The following MSRB3 variants were observed in gnomAD, a reference collection of about 807,000 sequenced individuals.
MSRB3 encodes methionine-R-sulfoxide reductase B3.
A neutral mutation model predicts 21.0 loss-of-function variants in MSRB3; 13 were observed. The ratio of observed to expected loss-of-function variants is 0.62; its 90% confidence interval spans 0.40 to 0.98. The LOEUF is 0.98. MSRB3 is among the 50% of genes least tolerant of loss of function. The pLI, the probability that MSRB3 is intolerant of heterozygous loss-of-function variation, is 0.00. For synonymous variants in MSRB3, 87 were observed against 88.6 expected (o/e 0.98, Z 0.10); for missense variants, 199 against 230.3 (o/e 0.86, Z 0.88).
At chr12:65,281,795 A>T (rs1434263547) in intron 1 of MSRB3, 3 of 152,252 alleles carry the variant, frequency 2.0e-5, no homozygotes, top group African/African-American at 7.2e-5. Flanking sequence ...TGAGCATTCC[A>T]GATGAAATAG....
chr12:65,350,563 A>G (rs1019751300), intron 4 of MSRB3, among the ~76,000 whole-genome samples: 8 of 151,008 alleles, frequency 5.3e-5, no homozygotes, highest in Non-Finnish European at 1.0e-4. Flanking sequence ...TATTCAGGAA[A>G]CCCATCTCAC....
chr12:65,458,049 C>A (rs11175770), intron 6 of MSRB3, among the ~76,000 whole-genome samples: 1 of 151,870 alleles, frequency 6.6e-6, no homozygotes, highest in Non-Finnish European at 1.5e-5. Context: ...CATTTTCAGT[C>A]GGATGTGTTA....
At chr12:65,356,489 T>C (rs574231773) in intron 4 of MSRB3, among the ~76,000 whole-genome samples, 75 of 151,952 alleles carry the variant, frequency 4.9e-4, no homozygotes, top group Admixed American at 8.6e-4. Flanking sequence ...CCATAGGTTA[T>C]TGAGGAACTG....
intron 4 of MSRB3, among the ~76,000 whole-genome samples, chr12:65,358,080 G>A (rs1199678020): frequency 6.6e-6 from 1 of 151,828 alleles, no homozygotes; most frequent in African/African-American, 2.4e-5. Context: ...CTACAAGCGA[G>A]AGAAGTCTCT....
At position 65,326,901 on chromosome 12, in the gene MSRB3, A is replaced by G. The variant is rs1875080366; in HGVS notation, c.152A>G (p.Gln51Arg). The stretch of plus-strand genomic sequence containing the variant: ...CTGAGGAAGCGGCTAACACCCCTGC[A>G]GTACCATGTCACTCAGGAGAAAGGG... ...QELRKRLTPL[Q>R]YHVTQEKGTE... Residue 51 changes from glutamine to arginine, a missense_variant, in exon 3 of 7, where the codon CAG becomes CGG. Gln to Arg is a conservative substitution (Grantham distance 43). Coordinates refer to ENST00000308259, the MANE Select transcript of MSRB3 (RefSeq NM_001031679.3). 6.2e-7 allele frequency: 1 copy of G among 1,613,852 alleles called. No homozygotes were observed.
In MSRB3 at chr12:65,298,112, T is replaced by G. The variant is rs147195293; in HGVS notation, c.-51-10417T>G. Among the ~76,000 whole-genome samples the G allele has an allele frequency of 8.2e-3, 1,250 of 152,102 alleles. 18 individuals carry two copies. The highest frequency in any genetic ancestry group is 0.029 in the African/African-American group (1,204 of 41,498). ...TTGATCTCCTGGGTTCAAGCAATCCTCCCGCCTCAGCGTTCCGAGTAGCTG... is the reference window on the plus strand; with the variant it reads ...TTGATCTCCTGGGTTCAAGCAATCCGCCCGCCTCAGCGTTCCGAGTAGCTG... On this transcript the variant is annotated intron_variant, in intron 1 of 6. Transcript: ENST00000308259.
At chr12:65,371,793 C>A (rs955655549) in intron 5 of MSRB3, among the ~76,000 whole-genome samples, 4 of 152,008 alleles carry the variant, frequency 2.6e-5, no homozygotes, top group African/African-American at 9.7e-5. Context: ...GAATGTATAC[C>A]AAATGATTAT....
intron 4 of MSRB3, among the ~76,000 whole-genome samples, chr12:65,339,840 C>T (rs1017357767): frequency 9.9e-5 from 15 of 152,170 alleles, no homozygotes; most frequent in African/African-American, 3.6e-4. Context: ...ATCCAGCCTC[C>T]AGTCAGCTCA....
rs1242411025 is a variant in MSRB3, at chr12:65,416,528, C to A, written c.293-37200C>A. On this transcript the variant is annotated intron_variant, in intron 5 of 6. Coordinates refer to ENST00000308259, the MANE Select transcript of MSRB3 (RefSeq NM_001031679.3). ...CTAGATGGGATAGCCTACTACACAC[C>A]TGGGCTCTGTGGTATAGCCTATTGC... 2.6e-5 allele frequency among the ~76,000 whole-genome samples: 4 copies of A among 152,186 alleles called. No individual in the cohort carries two copies. The South Asian group carries it at 6.2e-4, about 24-fold the overall frequency.
At chr12:65,426,174 A>G (rs559135777) in intron 5 of MSRB3, among the ~76,000 whole-genome samples, 13 of 152,062 alleles carry the variant, frequency 8.5e-5, no homozygotes, top group Non-Finnish European at 1.6e-4. Flanking sequence ...TAGTGTTTTT[A>G]TGTTACTATT....
Position 65,308,634 on chromosome 12 carries a change from C to G in MSRB3, c.55C>G (p.Arg19Gly). 6.2e-7 allele frequency: 1 copy of G among 1,613,954 alleles called. No individual in the cohort carries two copies. Among genetic ancestry groups the G allele is most frequent in the Non-Finnish European group, 8.5e-7 (1 of 1,179,888 alleles). ...LVTKSQPVAL[R>G]ACGLPSGSCR... ...GACAAAGAGCCAGCCAGTAGCCCTT[C>G]GAGCCTGTGGGCTTCCCTCAGGTTG... Residue 19 changes from arginine (R) to glycine (G), a missense_variant, in exon 2 of 7, where the codon CGA becomes GGA. Physicochemically the swap from Arg to Gly is moderately radical, Grantham distance 125. Coordinates refer to ENST00000308259, the MANE Select transcript of MSRB3 (RefSeq NM_001031679.3).
At chr12:65,440,352 G>A (rs1243693444) in intron 5 of MSRB3, among the ~76,000 whole-genome samples, 1 of 151,672 alleles carries the variant, frequency 6.6e-6, no homozygotes, top group Non-Finnish European at 1.5e-5. Flanking sequence ...AGTAACAATA[G>A]ATATAGAAGA....
intron 4 of MSRB3, among the ~76,000 whole-genome samples, chr12:65,362,367 C>T (rs1444554615): frequency 6.6e-6 from 1 of 152,118 alleles, no homozygotes; most frequent in Non-Finnish European, 1.5e-5. Flanking sequence ...CAGACTTTAC[C>T]TTTCCTCTCA....
At chr12:65,392,257 G>C (rs1303722740) in intron 5 of MSRB3, among the ~76,000 whole-genome samples, 1 of 152,158 alleles carries the variant, frequency 6.6e-6, no homozygotes, top group Non-Finnish European at 1.5e-5. Flanking sequence ...AGAAGGAGGG[G>C]TGAACTGCTG....
chr12:65,395,018 C>A (rs1879699797), intron 5 of MSRB3, among the ~76,000 whole-genome samples: 1 of 152,036 alleles, frequency 6.6e-6, no homozygotes, highest in Non-Finnish European at 1.5e-5. Flanking sequence ...TTCACCATTT[C>A]TGTTCAGCAT....
chr12:65,367,230 G>A (rs1388745118), intron 4 of MSRB3, among the ~76,000 whole-genome samples: 2 of 152,192 alleles, frequency 1.3e-5, no homozygotes, highest in African/African-American at 4.8e-5. Flanking sequence ...CCAGATGAAA[G>A]AGGGATAACA....
At chr12:65,398,929 T>C (rs1295381694) in intron 5 of MSRB3, among the ~76,000 whole-genome samples, 1 of 152,024 alleles carries the variant, frequency 6.6e-6, no homozygotes, top group Non-Finnish European at 1.5e-5. Flanking sequence ...GTGTGTGGCG[T>C]TATTTCTGAG....
At chr12:65,341,257 A>G (rs1434173734) in intron 4 of MSRB3, among the ~76,000 whole-genome samples, 2 of 152,272 alleles carry the variant, frequency 1.3e-5, no homozygotes, top group East Asian at 1.9e-4. Flanking sequence ...TTGCAACAAC[A>G]TGGATGGAAC....
chr12:65,393,415 C>CGA (rs1565870482), intron 5 of MSRB3, among the ~76,000 whole-genome samples: 1 of 151,956 alleles, frequency 6.6e-6, no homozygotes, highest in Non-Finnish European at 1.5e-5. Flanking sequence ...GGGTGAATCA[C>CGA]GAGGTCAGGG....
Sources: gnomAD v4.1 joint callset for allele counts (sites outside exome capture counted in the v4.1 genomes callset) on GRCh38, gnomAD v4.1.1 for gene constraint, MANE v1.5 for transcripts, NCBI Gene and HGNC (gene_info 2026-07-23, HGNC 2026-07-21) for gene names.